The following CMSS1 variants were observed in gnomAD, a reference collection of about 807,000 sequenced individuals.
CMSS1 encodes the protein protein CMSS1.
CMSS1 carries 33 observed loss-of-function variants against 43.5 expected under a neutral mutation model. That is an observed-to-expected ratio of 0.76 (90% CI 0.57 to 1.01). The LOEUF is 1.01. Ranked by LOEUF, CMSS1 falls within the 50% of genes least tolerant of loss-of-function variation. The probability of loss-of-function intolerance (pLI) is 0.00; values close to 1 mark genes in which losing one functional copy is unlikely to be tolerated. For synonymous variants in CMSS1, 115 were observed against 117.2 expected (o/e 0.98, Z 0.12); for missense variants, 313 against 326.4 (o/e 0.96, Z 0.32).
intron 1 of CMSS1, among the ~76,000 whole-genome samples, chr3:100,118,116 G>A (rs77248474): frequency 0.012 from 1,853 of 151,324 alleles, 25 homozygotes; most frequent in African/African-American, 0.028. Flanking sequence ...TTTAATGGGT[G>A]TAGAATTTCA....
At chr3:99,835,002 A>G (rs1159401002) in intron 1 of CMSS1, among the ~76,000 whole-genome samples, 1 of 152,224 alleles carries the variant, frequency 6.6e-6, no homozygotes, top group East Asian at 1.9e-4. Flanking sequence ...TGTTGTGATC[A>G]TCATCAGCAT....
chr3:99,829,592 A>C (rs1942609191), intron 1 of CMSS1, among the ~76,000 whole-genome samples: 1 of 152,212 alleles, frequency 6.6e-6, no homozygotes, highest in African/African-American at 2.4e-5. Flanking sequence ...CATGAATGAA[A>C]ATCTAGGATT....
chr3:99,941,129 A>G (rs1559697271), intron 1 of CMSS1, among the ~76,000 whole-genome samples: 1 of 152,210 alleles, frequency 6.6e-6, no homozygotes, highest in Non-Finnish European at 1.5e-5. Context: ...GAGGGAAACT[A>G]ACTTTTCTAA....
chr3:100,008,006 C>G (rs572549517), intron 1 of CMSS1, among the ~76,000 whole-genome samples: 1 of 152,274 alleles, frequency 6.6e-6, no homozygotes, highest in African/African-American at 2.4e-5. Context: ...TGGTTGTTTT[C>G]CCCAGCACAA....
At chr3:99,820,357 C>G (rs1942412167) in intron 1 of CMSS1, among the ~76,000 whole-genome samples, 1 of 151,918 alleles carries the variant, frequency 6.6e-6, no homozygotes, top group African/African-American at 2.4e-5. Flanking sequence ...CCACCACCCC[C>G]AGCTAATTTT....
intron 1 of CMSS1, among the ~76,000 whole-genome samples, chr3:100,042,458 G>A (rs577194476): frequency 2.0e-5 from 3 of 152,206 alleles, no homozygotes; most frequent in African/African-American, 7.2e-5. Context: ...TGTGATTCAC[G>A]GTGCTACAAG....
chr3:99,962,370 T>C (rs555946018), intron 1 of CMSS1, among the ~76,000 whole-genome samples: 2 of 152,292 alleles, frequency 1.3e-5, no homozygotes, highest in African/African-American at 4.8e-5. Flanking sequence ...CTTGGGAACA[T>C]AATTACTATG....
At chr3:99,961,878 T>G (rs1366284573) in intron 1 of CMSS1, among the ~76,000 whole-genome samples, 2 of 145,698 alleles carry the variant, frequency 1.4e-5, no homozygotes, top group Admixed American at 1.4e-4. Flanking sequence ...CGGGTATGCA[T>G]TAGACACAGC....
chr3:99,876,530 C>G (rs781460172), intron 1 of CMSS1, among the ~76,000 whole-genome samples: 1 of 152,212 alleles, frequency 6.6e-6, no homozygotes, highest in Non-Finnish European at 1.5e-5. Context: ...TCCTGTTATT[C>G]TTATGTAAAC....
At chr3:99,968,644 T>C (rs1171592856) in intron 1 of CMSS1, among the ~76,000 whole-genome samples, 1 of 151,940 alleles carries the variant, frequency 6.6e-6, no homozygotes, top group Non-Finnish European at 1.5e-5. Flanking sequence ...AAGCCTTGAG[T>C]AATACAGACA....
chr3:99,865,154 T>C (rs570112029), intron 1 of CMSS1, among the ~76,000 whole-genome samples: 1 of 152,342 alleles, frequency 6.6e-6, no homozygotes, highest in East Asian at 1.9e-4. Flanking sequence ...AATTTTTATA[T>C]GCCATGTACC....
rs775484361 is a variant in CMSS1 at position 99,848,337 on chromosome 3, G to C, written c.64+30294G>C. On this transcript the variant is annotated intron_variant, in intron 1 of 9. Transcript: ENST00000421999. ...GAGGAAGAGGTGTGGCTGTTGGTGT[G>C]ATAGTAATACTGCTGGTGACTTTAT... 4.3e-6 allele frequency: 7 copies of C among 1,614,046 alleles called. No individual in the cohort carries two copies. In the Admixed American group the frequency reaches 1.2e-4, roughly 27 times the overall value.
At chr3:99,895,102 G>A (rs1240983604) in intron 1 of CMSS1, among the ~76,000 whole-genome samples, 4 of 152,112 alleles carry the variant, frequency 2.6e-5, no homozygotes, top group African/African-American at 7.2e-5. Flanking sequence ...ACAGGGTGTA[G>A]GCTGGCTTTT....
chr3:99,885,384 T>C (rs1203185347), intron 1 of CMSS1, among the ~76,000 whole-genome samples: 1 of 152,236 alleles, frequency 6.6e-6, no homozygotes, highest in Admixed American at 6.5e-5. Flanking sequence ...TACAAACTTA[T>C]CTTATTATTG....
chr3:99,968,267 C>CA (rs1001475911), intron 1 of CMSS1, among the ~76,000 whole-genome samples: 2 of 151,684 alleles, frequency 1.3e-5, no homozygotes, highest in Non-Finnish European at 2.9e-5. Context: ...CTTCTTTGAA[C>CA]AAAAAAATGG....
At chr3:99,994,042 G>A (rs954223085) in intron 1 of CMSS1, among the ~76,000 whole-genome samples, 2 of 152,054 alleles carry the variant, frequency 1.3e-5, no homozygotes, top group Admixed American at 6.5e-5. Context: ...CAGGAGTATT[G>A]GATTTTGTTC....
At chr3:99,876,006 G>C (rs1475206933) in intron 1 of CMSS1, 1 of 970,396 alleles carries the variant, frequency 1.0e-6, no homozygotes, top group Non-Finnish European at 1.2e-6. Context: ...GCCACCCACA[G>C]ACTTGCTACC....
intron 1 of CMSS1, among the ~76,000 whole-genome samples, chr3:99,952,400 A>G (rs1576596650): frequency 6.6e-6 from 1 of 152,168 alleles, no homozygotes; most frequent in South Asian, 2.1e-4. Flanking sequence ...GTTCAAGTTG[A>G]GGAAACAGAA....
At chr3:100,044,060 A>G (rs1483692313) in intron 1 of CMSS1, among the ~76,000 whole-genome samples, 1 of 152,208 alleles carries the variant, frequency 6.6e-6, no homozygotes, top group East Asian at 1.9e-4. Context: ...GGGTGTATAT[A>G]CCATATTTCT....
Sources: allele counts gnomAD v4.1 joint callset (sites outside exome capture counted in the v4.1 genomes callset), GRCh38; gene constraint gnomAD v4.1.1; transcripts MANE v1.5; gene names NCBI Gene and HGNC (gene_info 2026-07-23, HGNC 2026-07-21).